C8orf89: variants seen among roughly 807,000 people sequenced by gnomAD.
C8orf89 encodes the protein chromosome 8 open reading frame 89.
A neutral mutation model predicts 15.8 loss-of-function variants in C8orf89; 14 were observed. The ratio of observed to expected loss-of-function variants is 0.89; its 90% CI spans 0.59 to 1.39. The LOEUF (loss-of-function observed/expected upper bound fraction) is 1.39, where lower values mean the gene tolerates loss of function less well. Ranked by LOEUF, C8orf89 falls within the 40% of genes most tolerant of loss-of-function variation. The pLI is 0.00. For missense variants in C8orf89, 181 were observed against 184.5 expected (o/e 0.98, Z 0.11); for synonymous variants, 55 against 62.2 (o/e 0.88, Z 0.54).
chr8:73,256,442 A>C (rs1420177115), intron 2 of C8orf89, among the ~76,000 whole-genome samples: 5 of 152,048 alleles, frequency 3.3e-5, no homozygotes, highest in African/African-American at 4.8e-5. Context: ...AATGCCCTTA[A>C]ATCGGGGGTG....
At chr8:73,266,289 G>A in the C8orf89 span, among the ~76,000 whole-genome samples, 1 of 152,204 alleles carries the variant, frequency 6.6e-6, no homozygotes, top group Non-Finnish European at 1.5e-5. Context: ...GAATGGACCT[G>A]CTTATGGTCC....
At chr8:73,280,888 C>A in the C8orf89 span, among the ~76,000 whole-genome samples, 3 of 151,922 alleles carry the variant, frequency 2.0e-5, no homozygotes, top group Non-Finnish European at 2.9e-5. Context: ...ATAAAAAATT[C>A]ATTCTCTCTA....
intron 2 of C8orf89, among the ~76,000 whole-genome samples, chr8:73,256,642 C>A (rs1004421206): frequency 6.9e-6 from 1 of 145,670 alleles, no homozygotes; most frequent in Non-Finnish European, 1.5e-5. Context: ...GCAGGAGAAT[C>A]GCTGGAATCC....
At chr8:73,270,659 A>T in the C8orf89 span, among the ~76,000 whole-genome samples, 1 of 152,222 alleles carries the variant, frequency 6.6e-6, no homozygotes, top group Non-Finnish European at 1.5e-5. Context: ...TAATCCCAGC[A>T]CTTTGGGAGG....
chr8:73,252,359 G>A (rs993308888), intron 2 of C8orf89, among the ~76,000 whole-genome samples: 2 of 152,042 alleles, frequency 1.3e-5, no homozygotes, highest in Admixed American at 6.6e-5. Context: ...ATGACAAAAT[G>A]CATATATATA....
At chr8:73,271,032 C>G in the C8orf89 span, among the ~76,000 whole-genome samples, 55 of 152,238 alleles carry the variant, frequency 3.6e-4, no homozygotes, top group Non-Finnish European at 7.1e-4. Flanking sequence ...ATATTTACAT[C>G]CCCATCCATG....
chr8:73,273,492 G>T, the C8orf89 span, among the ~76,000 whole-genome samples: 3 of 152,342 alleles, frequency 2.0e-5, no homozygotes, highest in Admixed American at 2.0e-4. Context: ...CCAGACTGTG[G>T]TCACTGATGA....
At chr8:73,268,338 G>T in the C8orf89 span, among the ~76,000 whole-genome samples, 8 of 152,140 alleles carry the variant, frequency 5.3e-5, no homozygotes, top group Admixed American at 2.0e-4. Context: ...AATTAGCCAG[G>T]TGTGGTGGCA....
At chr8:73,273,569 T>C in the C8orf89 span, among the ~76,000 whole-genome samples, 3 of 152,054 alleles carry the variant, frequency 2.0e-5, no homozygotes. Context: ...CCCCTCTGCA[T>C]GAATAGCCTG....
chr8:73,260,293 A>T (rs1044121763), upstream of C8orf89, among the ~76,000 whole-genome samples: 93 of 152,252 alleles, frequency 6.1e-4, no homozygotes, highest in Non-Finnish European at 1.1e-3. Context: ...AGGACAAAAA[A>T]ACCAAACACC....
At chr8:73,273,856 G>A in the C8orf89 span, among the ~76,000 whole-genome samples, 1 of 151,392 alleles carries the variant, frequency 6.6e-6, no homozygotes, top group African/African-American at 2.4e-5. Flanking sequence ...CTTAACCTTG[G>A]TAACTATATG....
At chr8:73,250,683 T>C (rs1027827014) in intron 2 of C8orf89, among the ~76,000 whole-genome samples, 4 of 152,200 alleles carry the variant, frequency 2.6e-5, no homozygotes, top group Non-Finnish European at 5.9e-5. Context: ...TCAATCTGAA[T>C]TTTGTCATAA....
At chr8:73,282,165 TACGATATACACATAAATGTGTC>T in the C8orf89 span, among the ~76,000 whole-genome samples, 1 of 152,240 alleles carries the variant, frequency 6.6e-6, no homozygotes, top group African/African-American at 2.4e-5. Context: ...ATTAAGCATG[TACGATATACACATAAATGTGTC>T]ACGTGCACAA....
At chr8:73,280,700 C>T in the C8orf89 span, among the ~76,000 whole-genome samples, 1 of 144,618 alleles carries the variant, frequency 6.9e-6, no homozygotes, top group Non-Finnish European at 1.6e-5. Flanking sequence ...TATACACATA[C>T]ATATACATAT....
chr8:73,272,472 T>C, the C8orf89 span, among the ~76,000 whole-genome samples: 2 of 152,170 alleles, frequency 1.3e-5, no homozygotes, highest in South Asian at 2.1e-4. Context: ...ATTTTTATTA[T>C]ACTTTAAGTT....
the C8orf89 span, among the ~76,000 whole-genome samples, chr8:73,270,478 A>G: frequency 6.6e-6 from 1 of 152,250 alleles, no homozygotes; most frequent in Non-Finnish European, 1.5e-5. Context: ...GGTTTGCATC[A>G]AATGTTATGC....
the C8orf89 span, among the ~76,000 whole-genome samples, chr8:73,285,052 T>C: frequency 6.6e-6 from 1 of 152,136 alleles, no homozygotes; most frequent in Non-Finnish European, 1.5e-5. Flanking sequence ...ACACAAATTA[T>C]AGGTAAATCA....
intron 2 of C8orf89, among the ~76,000 whole-genome samples, chr8:73,250,620 A>G (rs542917750): frequency 5.9e-5 from 9 of 152,324 alleles, no homozygotes; most frequent in Middle Eastern, 3.4e-3. Context: ...CCATTTGGAT[A>G]CGTTGAATAC....
chr8:73,259,689 A>G (rs1813486781), upstream of C8orf89, among the ~76,000 whole-genome samples: 1 of 152,210 alleles, frequency 6.6e-6, no homozygotes, highest in Non-Finnish European at 1.5e-5. Context: ...AGACAATGGA[A>G]TACTTGGATT....
Sources: gnomAD v4.1 joint callset for allele counts (sites outside exome capture counted in the v4.1 genomes callset) on GRCh38, gnomAD v4.1.1 for gene constraint, MANE v1.5 for transcripts, NCBI Gene and HGNC (gene_info 2026-07-23, HGNC 2026-07-21) for gene names.